The following NKAIN3 variants were observed in gnomAD, a reference collection of about 807,000 sequenced individuals.
The protein encoded by NKAIN3 is sodium/potassium transporting ATPase interacting 3.
Under a neutral mutation model 30.2 loss-of-function variants are expected in NKAIN3, and 25 were observed. The ratio of observed to expected loss-of-function variants is 0.83; its 90% CI spans 0.60 to 1.16. The LOEUF (loss-of-function observed/expected upper bound fraction) is 1.16. Among genes scored for constraint, NKAIN3 ranks in the 50% most tolerant of loss-of-function variants. NKAIN3 has a pLI of 0.00. For synonymous variants in NKAIN3, 91 were observed against 89.6 expected (o/e 1.02, Z -0.09); for missense variants, 225 against 254.1 (o/e 0.89, Z 0.78).
At chr8:62,921,247 C>A (rs376172870) in intron 5 of NKAIN3, among the ~76,000 whole-genome samples, 1 of 152,186 alleles carries the variant, frequency 6.6e-6, no homozygotes. Flanking sequence ...TAAAAGAGAT[C>A]TGCAAATATA....
intron 3 of NKAIN3, among the ~76,000 whole-genome samples, chr8:62,724,681 T>C (rs1054846216): frequency 3.9e-5 from 6 of 152,172 alleles, no homozygotes; most frequent in African/African-American, 1.4e-4. Context: ...GACTTCCAGT[T>C]CCATCCATGT....
chr8:62,903,452 G>A (rs1225475861), intron 4 of NKAIN3, among the ~76,000 whole-genome samples: 1 of 152,058 alleles, frequency 6.6e-6, no homozygotes, highest in Non-Finnish European at 1.5e-5. Context: ...TTCCCCTGAG[G>A]ATCCTAAGAG....
intron 4 of NKAIN3, among the ~76,000 whole-genome samples, chr8:62,853,489 T>C (rs1819972413): frequency 6.6e-6 from 1 of 152,200 alleles, no homozygotes; most frequent in Admixed American, 6.5e-5. Flanking sequence ...CTAACTTATG[T>C]GTACAAAGGT....
At chr8:62,455,675 C>T (rs948232054) in intron 1 of NKAIN3, among the ~76,000 whole-genome samples, 8 of 152,154 alleles carry the variant, frequency 5.3e-5, no homozygotes, top group Admixed American at 2.6e-4. Context: ...CTACAATGAA[C>T]GTAGTTTCAA....
At chr8:62,691,305 C>T (rs1401850875) in intron 3 of NKAIN3, among the ~76,000 whole-genome samples, 4 of 152,014 alleles carry the variant, frequency 2.6e-5, no homozygotes, top group African/African-American at 9.7e-5. Flanking sequence ...TAGAAGGTAA[C>T]CCGAGAAAGA....
At chr8:62,491,640 T>C (rs149499617) in intron 1 of NKAIN3, among the ~76,000 whole-genome samples, 1 of 152,132 alleles carries the variant, frequency 6.6e-6, no homozygotes, top group African/African-American at 2.4e-5. Flanking sequence ...ATTATGTAAA[T>C]AGATGCGGAA....
chr8:62,370,057 T>A (rs1816860320), intron 1 of NKAIN3, among the ~76,000 whole-genome samples: 1 of 152,038 alleles, frequency 6.6e-6, no homozygotes, highest in African/African-American at 2.4e-5. Context: ...AAGCAGTTAG[T>A]TGAAGAGTTG....
intron 1 of NKAIN3, among the ~76,000 whole-genome samples, chr8:62,534,047 G>A (rs1052575156): frequency 6.6e-6 from 1 of 152,096 alleles, no homozygotes; most frequent in African/African-American, 2.4e-5. Context: ...AACAAGGAGG[G>A]TAGGCTGAGC....
chr8:62,727,260 A>T (rs1319744331), intron 3 of NKAIN3, among the ~76,000 whole-genome samples: 2 of 152,144 alleles, frequency 1.3e-5, no homozygotes, highest in African/African-American at 4.8e-5. Context: ...ATAATGCAAA[A>T]CTACAATCTT....
At chr8:62,751,662 C>T (rs529521897) in intron 4 of NKAIN3, among the ~76,000 whole-genome samples, 4 of 152,202 alleles carry the variant, frequency 2.6e-5, no homozygotes, top group African/African-American at 7.2e-5. Context: ...GACATTTGGA[C>T]TCTATCCAAA....
chr8:62,626,812 C>G (rs1171460095), intron 3 of NKAIN3, among the ~76,000 whole-genome samples: 1 of 152,120 alleles, frequency 6.6e-6, no homozygotes, highest in Non-Finnish European at 1.5e-5. Flanking sequence ...CTGAATGCAC[C>G]TTCCCATAGG....
chr8:62,891,859 C>T (rs983816087), intron 4 of NKAIN3, among the ~76,000 whole-genome samples: 1 of 152,088 alleles, frequency 6.6e-6, no homozygotes, highest in Non-Finnish European at 1.5e-5. Context: ...TTGCCTTCCC[C>T]CCGCTTTCTC....
chr8:62,618,514 G>A (rs1366297394), intron 3 of NKAIN3, among the ~76,000 whole-genome samples: 1 of 151,782 alleles, frequency 6.6e-6, no homozygotes, highest in Non-Finnish European at 1.5e-5. Context: ...GCTCGTGGTG[G>A]ACAATTAGTT....
At chr8:62,909,922 C>A (rs539458933) in intron 4 of NKAIN3, among the ~76,000 whole-genome samples, 27 of 152,176 alleles carry the variant, frequency 1.8e-4, no homozygotes, top group Admixed American at 1.5e-3. Context: ...GCCAAAAATT[C>A]TTTCATGTCA....
At chr8:62,407,287 G>A (rs887638719) in intron 1 of NKAIN3, among the ~76,000 whole-genome samples, 1 of 148,434 alleles carries the variant, frequency 6.7e-6, no homozygotes, top group African/African-American at 2.5e-5. Context: ...GTATATGTGT[G>A]TATATATATA....
chr8:62,452,838 G>A (rs768615560), intron 1 of NKAIN3, among the ~76,000 whole-genome samples: 10 of 152,178 alleles, frequency 6.6e-5, no homozygotes, highest in Non-Finnish European at 1.5e-4. Flanking sequence ...TATGCCAAGT[G>A]GGGTACTCCA....
rs889487613 is a variant in NKAIN3, at chr8:62,974,226, T to G, written c.*8819T>G. Among the ~76,000 whole-genome samples, 1 of 152,172 alleles carries G rather than the reference T, an allele frequency of 6.6e-6. No individual in the cohort carries two copies. Among genetic ancestry groups the G allele is most frequent in the African/African-American group, 2.4e-5 (1 of 41,462 alleles). On this transcript the variant is annotated 3_prime_UTR_variant, in exon 7 of 7. Transcript: ENST00000623646. ...AAAATCAATGTTAGTTTGATGGGAATAGCATTGAATCTATAAATTACTTTG... is the reference window on the plus strand; with the variant it reads ...AAAATCAATGTTAGTTTGATGGGAAGAGCATTGAATCTATAAATTACTTTG...
chr8:62,965,866 A>T lies in NKAIN3; in HGVS notation c.*459A>T. ...CAGCCACCAAGGTAGACCCTGTGAC[A>T]GCTGATAAATAGGTACAAATAATGG... On this transcript the variant is annotated 3_prime_UTR_variant, in exon 7 of 7. Coordinates refer to ENST00000623646, the MANE Select transcript of NKAIN3 (RefSeq NM_001304533.3). 6 of 985,082 alleles carry T rather than the reference A, an allele frequency of 6.1e-6. No individual in the cohort carries two copies. Among genetic ancestry groups the T allele is most frequent in the Non-Finnish European group, 7.2e-6 (6 of 829,638 alleles). 61.0% of individuals were successfully genotyped at this position (985,082 alleles called of 1,614,324 possible).
At chr8:62,338,116 TTA>T (rs1401856686) in intron 1 of NKAIN3, among the ~76,000 whole-genome samples, 1 of 152,062 alleles carries the variant, frequency 6.6e-6, no homozygotes, top group Non-Finnish European at 1.5e-5. Context: ...TGGTAACACA[TTA>T]GTTTGAAGTA....
Sources: gnomAD v4.1 joint callset for allele counts (sites outside exome capture counted in the v4.1 genomes callset) on GRCh38, gnomAD v4.1.1 for gene constraint, MANE v1.5 for transcripts, NCBI Gene and HGNC (gene_info 2026-07-23, HGNC 2026-07-21) for gene names.